Variants in P4HA2 observed in about 807,000 individuals in gnomAD.
P4HA2 encodes the protein prolyl 4-hydroxylase subunit alpha 2.
P4HA2 carries 46 observed loss-of-function variants against 76.9 expected under a neutral mutation model. The ratio of observed to expected loss-of-function variants is 0.60; its 90% CI spans 0.47 to 0.76. The LOEUF (loss-of-function observed/expected upper bound fraction) is 0.76, where lower values mean the gene tolerates loss of function less well. P4HA2 is among the 30% of genes least tolerant of loss of function. The pLI is 0.00. For synonymous variants in P4HA2, 243 were observed against 254.0 expected (o/e 0.96, Z 0.41); for missense variants, 583 against 669.4 (o/e 0.87, Z 1.42).
chr5:132,217,883 C>G lies in P4HA2; in HGVS notation c.83-35G>C, dbSNP rs776310476. ...AGAGAAGAAAGACACCAGTGAGAAA[C>G]AGATGAGGGATGTCCAGCCTCCTTC... On this transcript the variant is annotated intron_variant, in intron 2 of 14. Coordinates refer to ENST00000360568, the MANE Select transcript of P4HA2 (RefSeq NM_001017974.2). 4 of 1,310,188 alleles carry G rather than the reference C, an allele frequency of 3.1e-6. No homozygotes were observed. In the East Asian group the frequency reaches 9.2e-5, roughly 30 times the overall value. 81.2% of individuals were successfully genotyped at this position (1,310,188 alleles called of 1,614,324 possible).
At chr5:132,193,114 T>A in intron 14 of P4HA2, 34 bp from the exon 15 acceptor site, 1 of 1,515,300 alleles carries the variant, frequency 6.6e-7, no homozygotes, top group Non-Finnish European at 9.2e-7. Context: ...TACAATCCTA[T>A]TGGTCAGTTT....
Position 132,190,627 on chromosome 5 carries a change from G to A in P4HA2, c.*2383C>T, listed in dbSNP as rs1188498780. ...CAAAGACTATATAGCTTTCAGAAGA[G>A]AACACAGGAAACATCCTCATGATCT... On this transcript the variant is annotated 3_prime_UTR_variant, in exon 15 of 15. Coordinates refer to ENST00000360568, the MANE Select transcript of P4HA2 (RefSeq NM_001017974.2). Among the ~76,000 whole-genome samples, 1 of 152,120 alleles carries A rather than the reference G, an allele frequency of 6.6e-6. No individual in the cohort carries two copies. The highest frequency in any genetic ancestry group is 6.5e-5 in the Admixed American group (1 of 15,276).
chr5:132,224,817 C>T lies in P4HA2; in HGVS notation c.-19+2973G>A, dbSNP rs377762814. Among the ~76,000 whole-genome samples the T allele has an allele frequency of 3.9e-5, 6 of 152,218 alleles. No homozygotes were observed. The East Asian group carries it at 5.8e-4, about 15-fold the overall frequency. The stretch of plus-strand genomic sequence containing the variant: ...CCCAGGCCTGAGGATCTCCACTACA[C>T]CCTGGCCCTCAGAGTGCCAGGTACA... On this transcript the variant is annotated intron_variant, in intron 1 of 14. Coordinates refer to ENST00000360568, the MANE Select transcript of P4HA2 (RefSeq NM_001017974.2).
At chr5:132,197,979 G>C in intron 12 of P4HA2, 6 of 984,538 alleles carry the variant, frequency 6.1e-6, no homozygotes, top group Non-Finnish European at 7.2e-6. Flanking sequence ...TAAACACTGG[G>C]GAAAAAAATA....
intron 8 of P4HA2, among the ~76,000 whole-genome samples, chr5:132,206,812 C>G (rs897218251): frequency 1.3e-5 from 2 of 152,138 alleles, no homozygotes; most frequent in African/African-American, 4.8e-5. Context: ...AAAGGAACTA[C>G]AAGTATCAGG....
Position 132,217,265 on chromosome 5 carries a change from T to C in P4HA2, c.263A>G (p.Lys88Arg), listed in dbSNP as rs1271223230. ...GYLAHPVNAY[K>R]LVKRLNTDWP... ...GTCTGTGTTTAGCCGCTTCACCAGT[T>C]TGTAGGCATTCACAGGGTGAGCCAG... The change falls in exon 4 of 15, where the codon AAA (lysine) becomes AGA (arginine). Residue 88 changes from lysine (K) to arginine (R), a missense_variant. By Grantham distance (26) the Lys-to-Arg change is conservative. Coordinates refer to ENST00000360568, the MANE Select transcript of P4HA2 (RefSeq NM_001017974.2). 5 of 1,614,152 alleles carry C rather than the reference T, an allele frequency of 3.1e-6. No individual in the cohort carries two copies. Among genetic ancestry groups the C allele is most frequent in the Admixed American group, 1.7e-5 (1 of 60,028 alleles).
At chr5:132,204,235 C>T (rs1751899825) in intron 8 of P4HA2, 83 bp from the exon 9 acceptor site, 2 of 1,072,386 alleles carry the variant, frequency 1.9e-6, no homozygotes, top group Non-Finnish European at 2.9e-6. Flanking sequence ...GCACTGGGAC[C>T]AGATTTACTG....
chr5:132,223,285 G>C (rs960901479), intron 1 of P4HA2, among the ~76,000 whole-genome samples: 1 of 152,080 alleles, frequency 6.6e-6, no homozygotes, highest in African/African-American at 2.4e-5. Flanking sequence ...GTTTTTTTGA[G>C]ACAGTCTCGC....
intron 6 of P4HA2, 56 bp downstream of exon 6, chr5:132,210,228 T>G: frequency 1.3e-6 from 2 of 1,595,426 alleles, no homozygotes; most frequent in Non-Finnish European, 1.7e-6. Context: ...GCCAGCACAG[T>G]GCAGTTCCTC....
intron 7 of P4HA2, 90 bp downstream of exon 7, chr5:132,209,048 A>G (rs1752649916): frequency 1.1e-6 from 1 of 904,008 alleles, no homozygotes; most frequent in Non-Finnish European, 1.7e-6. Flanking sequence ...AAGTACCTAC[A>G]GAATAAAGAA....
chr5:132,197,963 C>G, intron 12 of P4HA2: 1 of 980,228 alleles, frequency 1.0e-6, no homozygotes, highest in Non-Finnish European at 1.2e-6. Context: ...TGTTTTATCA[C>G]AATTTTAAAC....
chr5:132,212,917 T>G (rs1753284803), intron 5 of P4HA2, among the ~76,000 whole-genome samples: 2 of 152,126 alleles, frequency 1.3e-5, no homozygotes, highest in Admixed American at 1.3e-4. Flanking sequence ...CTGCCCTCTC[T>G]CTAATGGAGT....
chr5:132,203,638 G>T, intron 10 of P4HA2, 110 bp downstream of exon 10: 1 of 704,156 alleles, frequency 1.4e-6, no homozygotes. Flanking sequence ...CATAGCATCA[G>T]GCAGTAGTCA....
chr5:132,210,420 C>T lies in P4HA2; in HGVS notation c.573G>A (p.Gln191=). The T allele has an allele frequency of 6.2e-7, 1 of 1,614,154 alleles. No homozygotes were observed. Among genetic ancestry groups the T allele is most frequent in the Non-Finnish European group, 8.5e-7 (1 of 1,180,022 alleles). ...DYYHTVLWME[Q]VLKQLDAGEE... is the part of the protein sequence containing the mutation. ...CCCCGGCATCAAGCTGCTTTAGCACCTGCTCCATCCACAACACCGTATGAT... is the reference window on the plus strand; with the variant it reads ...CCCCGGCATCAAGCTGCTTTAGCACTTGCTCCATCCACAACACCGTATGAT... Residue 191 remains glutamine (Q), a synonymous_variant, in exon 6 of 15, where the codon CAG becomes CAA. Transcript: ENST00000360568.
intron 14 of P4HA2, 96 bp downstream of exon 14, chr5:132,194,830 T>C (rs1381501982): frequency 2.5e-6 from 2 of 808,932 alleles, no homozygotes; most frequent in African/African-American, 1.7e-5. Flanking sequence ...TCTCAGCAAA[T>C]TTGGCAGCAG....
At chr5:132,200,721 T>C (rs748532668) in intron 10 of P4HA2, 8 of 152,216 alleles carry the variant, frequency 5.3e-5, no homozygotes, top group Non-Finnish European at 8.8e-5. Context: ...GTGACTGCTG[T>C]GCAGGTACAC....
At chr5:132,224,142 ACAG>A (rs940462786) in intron 1 of P4HA2, among the ~76,000 whole-genome samples, 5 of 152,212 alleles carry the variant, frequency 3.3e-5, no homozygotes, top group African/African-American at 1.2e-4. Flanking sequence ...CTTAGACATG[ACAG>A]CACTCACAAA....
At chr5:132,197,920 A>G (rs1295539782) in intron 12 of P4HA2, 2 of 788,244 alleles carry the variant, frequency 2.5e-6, no homozygotes, top group Non-Finnish European at 3.1e-6. Context: ...TACATTTAAA[A>G]AATGGTTAAG....
chr5:132,211,298 G>C (rs777674584), intron 5 of P4HA2, among the ~76,000 whole-genome samples: 17 of 152,212 alleles, frequency 1.1e-4, no homozygotes, highest in Non-Finnish European at 2.5e-4. Context: ...AGGATTTAGG[G>C]TGAGCTCAAG....
Sources: allele counts gnomAD v4.1 joint callset (sites outside exome capture counted in the v4.1 genomes callset), GRCh38; gene constraint gnomAD v4.1.1; transcripts MANE v1.5; gene names NCBI Gene and HGNC (gene_info 2026-07-23, HGNC 2026-07-21).